The following KANK1 variants were observed in gnomAD, a reference collection of about 807,000 sequenced individuals.
KANK1 encodes KN motif and ankyrin repeat domains 1, also known as KN motif and ankyrin repeat domain-containing protein 1.
Under a neutral mutation model 106.2 loss-of-function variants are expected in KANK1, and 109 were observed. The ratio of observed to expected loss-of-function variants is 1.03; its 90% CI spans 0.88 to 1.20. The LOEUF (loss-of-function observed/expected upper bound fraction) is 1.20, where lower values mean the gene tolerates loss of function less well. KANK1 is among the 50% of genes most tolerant of loss of function. The probability of loss-of-function intolerance (pLI) is 0.00; values close to 1 mark genes in which losing one functional copy is unlikely to be tolerated. For synonymous variants in KANK1, 873 were observed against 652.2 expected (o/e 1.34, Z -5.16); for missense variants, 2,399 against 1,710.7 (o/e 1.40, Z -7.10).
At chr9:580,515 T>A in intron 1 of KANK1, among the ~76,000 whole-genome samples, 1 of 152,212 alleles carries the variant, frequency 6.6e-6, no homozygotes, top group East Asian at 1.9e-4. Context: ...TGCTGATTGG[T>A]GCATTTACAA....
intron 1 of KANK1, among the ~76,000 whole-genome samples, chr9:652,063 A>T (rs1435373318): frequency 6.6e-6 from 1 of 152,164 alleles, no homozygotes; most frequent in East Asian, 1.9e-4. Context: ...CTGCTTTTTG[A>T]AGGACAACCT....
At chr9:718,232 TA>T (rs1419111112) in intron 3 of KANK1, among the ~76,000 whole-genome samples, 1 of 150,570 alleles carries the variant, frequency 6.6e-6, no homozygotes, top group Non-Finnish European at 1.5e-5. Context: ...ATGATGTAGG[TA>T]GTGGAAGGCC....
At chr9:511,217 C>G (rs75695144) in intron 1 of KANK1, among the ~76,000 whole-genome samples, 5,209 of 152,214 alleles carry the variant, frequency 0.034, 269 homozygotes, top group African/African-American at 0.12. Flanking sequence ...GTAAAGGGCA[C>G]TGCATTTAGG....
chr9:671,615 C>CAAAAAAAAAAAAAAA (rs566979038), intron 1 of KANK1, among the ~76,000 whole-genome samples: 22 of 55,750 alleles, frequency 3.9e-4, no homozygotes, highest in Non-Finnish European at 6.6e-4. Flanking sequence ...AACTCCGTCT[C>CAAAAAAAAAAAAAAA]AAAAAAAAAA....
intron 2 of KANK1, chr9:684,272 C>CAGTG (rs1301919564): frequency 1.0e-6 from 1 of 985,274 alleles, no homozygotes; most frequent in African/African-American, 1.7e-5. Context: ...ATTTATCTTC[C>CAGTG]AGTGAGTACC....
chr9:736,056 C>T (rs1306685622), intron 7 of KANK1, among the ~76,000 whole-genome samples: 1 of 152,118 alleles, frequency 6.6e-6, no homozygotes, highest in Non-Finnish European at 1.5e-5. Flanking sequence ...CTCCCGGGTT[C>T]GGGCCATTCT....
chr9:658,345 C>G (rs1842582437), intron 1 of KANK1, among the ~76,000 whole-genome samples: 1 of 152,118 alleles, frequency 6.6e-6, no homozygotes, highest in African/African-American at 2.4e-5. Flanking sequence ...CAGGACTAAG[C>G]AAATCTCATA....
Position 592,204 on chromosome 9 carries a change from G to A in KANK1, c.-83-84686G>A, listed in dbSNP as rs572126946. 4.0e-5 allele frequency among the ~76,000 whole-genome samples: 6 copies of A among 151,874 alleles called. No homozygotes were observed. In the South Asian group the frequency reaches 1.2e-3, roughly 31 times the overall value. On this transcript the variant is annotated intron_variant, in intron 1 of 11. Transcript: ENST00000382297. ...GAAGGCAGCCAAATTCTCTTACCTG[G>A]AGCCTGAGAGCAAAGGTTAGATAAT...
intron 1 of KANK1, among the ~76,000 whole-genome samples, chr9:604,162 T>A (rs1828495153): frequency 6.6e-6 from 1 of 151,654 alleles, no homozygotes; most frequent in Admixed American, 6.6e-5. Flanking sequence ...GTTATTGTTC[T>A]GATTATTCTG....
At chr9:538,111 C>G (rs1244993438) in intron 1 of KANK1, among the ~76,000 whole-genome samples, 2 of 151,736 alleles carry the variant, frequency 1.3e-5, no homozygotes, top group African/African-American at 4.8e-5. Flanking sequence ...GTGGCAGAAT[C>G]AACATGGTTG....
intron 1 of KANK1, among the ~76,000 whole-genome samples, chr9:640,547 A>G (rs906253701): frequency 6.6e-6 from 1 of 151,456 alleles, no homozygotes; most frequent in African/African-American, 2.4e-5. Flanking sequence ...ACAGGCGCCT[A>G]CCATCATGCC....
chr9:532,058 G>A (rs1054299508), intron 1 of KANK1, among the ~76,000 whole-genome samples: 6 of 152,128 alleles, frequency 3.9e-5, no homozygotes, highest in Admixed American at 1.3e-4. Context: ...ACACAGAGGC[G>A]TTATAGACTA....
At chr9:674,474 C>T (rs1815971861) in intron 1 of KANK1, 2 of 151,740 alleles carry the variant, frequency 1.3e-5, no homozygotes, top group African/African-American at 2.4e-5. Context: ...AACTGTGGTG[C>T]AAACCCATTT....
chr9:513,918 G>A (rs1327433798), intron 1 of KANK1, among the ~76,000 whole-genome samples: 2 of 152,152 alleles, frequency 1.3e-5, no homozygotes, highest in Non-Finnish European at 2.9e-5. Flanking sequence ...TTGGGAGGCT[G>A]TGGCAGGAGA....
chr9:474,220 T>C (rs570113722), intron 3 of KANK1, among the ~76,000 whole-genome samples: 1 of 152,142 alleles, frequency 6.6e-6, no homozygotes. Context: ...AGCAATGACA[T>C]TGAGTCTAAA....
intron 1 of KANK1, among the ~76,000 whole-genome samples, chr9:564,082 C>CAT (rs1817192169): frequency 6.9e-6 from 1 of 145,752 alleles, no homozygotes; most frequent in African/African-American, 2.6e-5. Flanking sequence ...TTTTTTGAGA[C>CAT]AGAGTCTTGC....
intron 2 of KANK1, among the ~76,000 whole-genome samples, chr9:686,186 T>G (rs1022277025): frequency 2.6e-5 from 4 of 152,232 alleles, no homozygotes; most frequent in African/African-American, 7.2e-5. Flanking sequence ...CTGTTCTCAG[T>G]ATCCCCCTCA....
Position 740,806 on chromosome 9 carries a change from G to T in KANK1, c.3568G>T (p.Asp1190Tyr), listed in dbSNP as rs998734948. 6.2e-7 allele frequency: 1 copy of T among 1,612,090 alleles called. No individual in the cohort carries two copies. The highest frequency in any genetic ancestry group is 1.3e-5 in the African/African-American group (1 of 74,570). ...LLLDADVCNV[D>Y]HQNKAGYTPI... ...TTTTTTTACAGATGTGTGTAATGTGGATCACCAGAACAAGGCAGGCTACAC... is the reference window on the plus strand; with the variant it reads ...TTTTTTTACAGATGTGTGTAATGTGTATCACCAGAACAAGGCAGGCTACAC... The change falls in exon 9 of 12, where the codon GAT becomes TAT. Residue 1190 changes from aspartate (D) to tyrosine (Y), a missense_variant. Transcript: ENST00000382297.
chr9:517,809 G>A (rs1022691768), intron 1 of KANK1, among the ~76,000 whole-genome samples: 6 of 149,682 alleles, frequency 4.0e-5, no homozygotes, highest in African/African-American at 1.5e-4. Flanking sequence ...CGTGATCTCG[G>A]CTCACTGGAC....
Sources: gnomAD v4.1 joint callset for allele counts (sites outside exome capture counted in the v4.1 genomes callset) on GRCh38, gnomAD v4.1.1 for gene constraint, MANE v1.5 for transcripts, NCBI Gene and HGNC (gene_info 2026-07-23, HGNC 2026-07-21) for gene names.